The following MLEC variants were observed in gnomAD, a reference collection of about 807,000 sequenced individuals.
MLEC encodes the protein malectin, also known as oligosaccharyltransferase complex subunit (non-catalytic).
In MLEC, 7 loss-of-function variants were observed where a neutral mutation model predicts 28.7. That is an observed-to-expected ratio of 0.24 (90% confidence interval 0.14 to 0.46). The LOEUF is 0.46. MLEC is among the 20% of genes least tolerant of loss of function. MLEC has a pLI of 0.99. For missense variants in MLEC, 237 were observed against 391.1 expected (o/e 0.61, Z 3.32); for synonymous variants, 142 against 164.4 (o/e 0.86, Z 1.04).
chr12:120,694,378 A>T lies in MLEC; in HGVS notation c.414+109A>T, dbSNP rs1400598579. ...GAGTCTCTCCAGAAAGGCAGAACAGATGAGCTCTAGAGAAGCATGTTCCAT... is the reference window on the plus strand; with the variant it reads ...GAGTCTCTCCAGAAAGGCAGAACAGTTGAGCTCTAGAGAAGCATGTTCCAT... On this transcript the variant is annotated intron_variant, in intron 2 of 4. Transcript: ENST00000228506. This position sits in a 1 kb window ranked among gnomAD's most constrained non-coding sequence, Gnocchi z 4.5. 1.7e-6 allele frequency: 2 copies of T among 1,166,456 alleles called. No homozygotes were observed. The highest frequency in any genetic ancestry group is 2.4e-6 in the Non-Finnish European group (2 of 824,212). The allele number at this position is 1,166,456 out of a possible 1,614,324, so 72.3% of individuals were successfully genotyped here.
rs79577656 is a variant in MLEC at position 120,693,007 on chromosome 12, G to A, written c.236-1084G>A. Among the ~76,000 whole-genome samples the A allele has an allele frequency of 6.7e-3, 1,022 of 152,200 alleles. 6 individuals are homozygous for A. The highest frequency in any genetic ancestry group is 0.024 in the South Asian group (117 of 4,812). ...AGGCCGATGCGGGTGGATCACCTGCGGTCAGGAGTTTAGTGTGTTGTGCGA... is the reference window on the plus strand; with the variant it reads ...AGGCCGATGCGGGTGGATCACCTGCAGTCAGGAGTTTAGTGTGTTGTGCGA... On this transcript the variant is annotated intron_variant, in intron 1 of 4. Coordinates refer to ENST00000228506, the MANE Select transcript of MLEC (RefSeq NM_014730.4).
At position 120,687,199 on chromosome 12, in the gene MLEC, C is replaced by T. The variant is rs1881852891; in HGVS notation, c.-98C>T. Reference sequence around the variant, plus strand: ...AGCGACATGTCCCCGGCGGCTCAGGCGGAGCGGCCCGTGGCGCTGTTTTTC... The same window carrying T: ...AGCGACATGTCCCCGGCGGCTCAGGTGGAGCGGCCCGTGGCGCTGTTTTTC... On this transcript the variant is annotated 5_prime_UTR_variant, in exon 1 of 5. Transcript: ENST00000228506. The surrounding 1 kb of genome is among the most constrained non-coding windows in gnomAD (Gnocchi z 8.1). 3.2e-6 allele frequency: 4 copies of T among 1,260,320 alleles called. No individual in the cohort carries two copies. Among genetic ancestry groups the T allele is most frequent in the South Asian group, 5.1e-5 (2 of 39,600 alleles). The allele number at this position is 1,260,320 out of a possible 1,614,324, so 78.1% of individuals were successfully genotyped here.
At position 120,687,488 on chromosome 12, in the gene MLEC, G is replaced by A; in HGVS notation, c.192G>A (p.Gly64=). ...GAGAGGCGCATGTGGACGTGCACGG[G>A]ATCCACTTCCGCAAGGACCCTTTGG... is the stretch of plus-strand genomic sequence containing the variant. ...AGGEAHVDVH[G]IHFRKDPLEG... Residue 64 remains glycine (G), a synonymous_variant, in exon 1 of 5, where the codon GGG becomes GGA. Transcript: ENST00000228506. The surrounding 1 kb of genome is among the most constrained non-coding windows in gnomAD (Gnocchi z 8.1). The A allele has an allele frequency of 1.4e-6, 2 of 1,452,662 alleles. No individual in the cohort carries two copies. The allele number at this position is 1,452,662 out of a possible 1,614,324, so 90.0% of individuals were successfully genotyped here.
rs1211487535 is a variant in MLEC at position 120,699,382 on chromosome 12, A to T, written c.*2837A>T. On this transcript the variant is annotated 3_prime_UTR_variant, in exon 5 of 5. Coordinates refer to ENST00000228506, the MANE Select transcript of MLEC (RefSeq NM_014730.4). ...CACTGAGCCCAGCTGACTGAAAACA[A>T]GGACAGTCAGGGTGAAACTTCTTTT... is the stretch of plus-strand genomic sequence containing the variant. The T allele has an allele frequency of 6.6e-6, 1 of 152,492 alleles. No individual in the cohort carries two copies. Among genetic ancestry groups the T allele is most frequent in the African/African-American group, 2.4e-5 (1 of 41,436 alleles). The allele number at this position is 152,492 out of a possible 1,614,324, so 9.4% of individuals were successfully genotyped here. A position where few individuals can be genotyped will look rare whatever the true frequency, so the allele number is the denominator to read the frequency against.
Position 120,687,609 on chromosome 12 carries a change from A to C in MLEC, c.235+78A>C. ...AGCCGGCCGGGGGCTGCGGGCCCCG[A>C]GCCCCTTTCGACCCTGGGGCCGCGT... is the stretch of plus-strand genomic sequence containing the variant. On this transcript the variant is annotated intron_variant, in intron 1 of 4. Coordinates refer to ENST00000228506, the MANE Select transcript of MLEC (RefSeq NM_014730.4). The surrounding 1 kb of genome is among the most constrained non-coding windows in gnomAD (Gnocchi z 8.1). 1 of 1,201,462 alleles carries C rather than the reference A, an allele frequency of 8.3e-7. No individual in the cohort carries two copies. The highest frequency in any genetic ancestry group is 1.1e-6 in the Non-Finnish European group (1 of 899,052). The allele number at this position is 1,201,462 out of a possible 1,614,324, so 74.4% of individuals were successfully genotyped here.
At chr12:120,689,082 A>G (rs904733964) in intron 1 of MLEC, among the ~76,000 whole-genome samples, 2 of 152,210 alleles carry the variant, frequency 1.3e-5, no homozygotes, top group Admixed American at 6.5e-5. Flanking sequence ...CAGGCCTTAC[A>G]TTGGTTACAT....
chr12:120,689,273 CTTGGGTTA>C (rs1881946603), intron 1 of MLEC, among the ~76,000 whole-genome samples: 1 of 151,684 alleles, frequency 6.6e-6, no homozygotes, highest in African/African-American at 2.4e-5. Flanking sequence ...GATCTGTGTC[CTTGGGTTA>C]TTGGCTCATG....
At chr12:120,690,171 T>A (rs754234593) in intron 1 of MLEC, among the ~76,000 whole-genome samples, 3 of 149,768 alleles carry the variant, frequency 2.0e-5, no homozygotes, top group Non-Finnish European at 3.0e-5. Flanking sequence ...TTATTGAAAA[T>A]TTTTAATTTT....
At chr12:120,695,253 A>C in intron 4 of MLEC, 101 bp downstream of exon 4, 1 of 1,272,860 alleles carries the variant, frequency 7.9e-7, no homozygotes. Flanking sequence ...GGAAACACTT[A>C]AAGCTAAATT....
rs1273950311 is a variant in MLEC, at chr12:120,687,252, C to T, written c.-45C>T. 1 of 1,358,382 alleles carries T rather than the reference C, an allele frequency of 7.4e-7. No homozygotes were observed. The highest frequency in any genetic ancestry group is 9.4e-7 in the Non-Finnish European group (1 of 1,061,496). The allele number at this position is 1,358,382 out of a possible 1,614,324, so 84.1% of individuals were successfully genotyped here. ...AGTCCGGGGTGGCCTGGCAGCCGGC[C>T]GAGGACGAGGGTCGGCGGGGGCTGC... On this transcript the variant is annotated 5_prime_UTR_variant, in exon 1 of 5. Coordinates refer to ENST00000228506, the MANE Select transcript of MLEC (RefSeq NM_014730.4). This position sits in a 1 kb window ranked among gnomAD's most constrained non-coding sequence, Gnocchi z 8.1.
intron 4 of MLEC, among the ~76,000 whole-genome samples, chr12:120,695,555 T>C (rs937884997): frequency 6.6e-6 from 1 of 152,234 alleles, no homozygotes; most frequent in Non-Finnish European, 1.5e-5. Flanking sequence ...TTTGGTATGC[T>C]CTGAAAGATT....
intron 4 of MLEC, among the ~76,000 whole-genome samples, chr12:120,695,853 C>T (rs1206128784): frequency 1.3e-5 from 2 of 152,172 alleles, no homozygotes; most frequent in African/African-American, 4.8e-5. Context: ...TGTCTTACCA[C>T]CAAACAGACC....
chr12:120,699,062 T>C lies in MLEC; in HGVS notation c.*2517T>C, dbSNP rs191512844. On this transcript the variant is annotated 3_prime_UTR_variant, in exon 5 of 5. Coordinates refer to ENST00000228506, the MANE Select transcript of MLEC (RefSeq NM_014730.4). ...GATGCTGAACTTGAAAGTTTTTTTGTTTTTGTTTTTGTTTTGTGGCTCCTC... is the reference window on the plus strand; with the variant it reads ...GATGCTGAACTTGAAAGTTTTTTTGCTTTTGTTTTTGTTTTGTGGCTCCTC... 6.5e-6 allele frequency: 1 copy of C among 152,828 alleles called. No individual in the cohort carries two copies. The highest frequency in any genetic ancestry group is 1.5e-5 in the Non-Finnish European group (1 of 68,094). 9.5% of individuals were successfully genotyped at this position (152,828 alleles called of 1,614,324 possible). A position where few individuals can be genotyped will look rare whatever the true frequency, so the allele number is the denominator to read the frequency against.
intron 4 of MLEC, among the ~76,000 whole-genome samples, chr12:120,695,764 A>G (rs1253955063): frequency 2.0e-5 from 3 of 152,058 alleles, no homozygotes; most frequent in African/African-American, 4.8e-5. Context: ...CCCCAACTCA[A>G]TCTTGAATGC....
chr12:120,690,094 A>G (rs1400840214), intron 1 of MLEC, among the ~76,000 whole-genome samples: 1 of 152,248 alleles, frequency 6.6e-6, no homozygotes, highest in Non-Finnish European at 1.5e-5. Context: ...GCACCACTAC[A>G]GAAAGTGGTT....
intron 1 of MLEC, among the ~76,000 whole-genome samples, chr12:120,692,035 C>T (rs543884341): frequency 7.1e-4 from 108 of 152,250 alleles, no homozygotes; most frequent in Non-Finnish European, 1.5e-3. Context: ...TGATGCGTGC[C>T]TGTAATCCCA....
rs1881865791 is a variant in MLEC at position 120,687,403 on chromosome 12, T to TGGCCGGCGC, written c.111_119dup (p.Ala40_Ala42dup). On this transcript the variant is annotated inframe_insertion, in exon 1 of 5. Transcript: ENST00000228506. This position sits in a 1 kb window ranked among gnomAD's most constrained non-coding sequence, Gnocchi z 8.1. ...GGACCCGGGCTCGGCGTGGCCGGCG[T>TGGCCGGCGC]GGCCGGCGCGGCGGGGGCCGGGCTG... is the stretch of plus-strand genomic sequence containing the variant. 5 of 1,388,554 alleles carry TGGCCGGCGC rather than the reference T, an allele frequency of 3.6e-6. No homozygotes were observed. The highest frequency in any genetic ancestry group is 4.7e-6 in the Non-Finnish European group (5 of 1,073,612). The allele number at this position is 1,388,554 out of a possible 1,614,324, so 86.0% of individuals were successfully genotyped here. A position where few individuals can be genotyped will look rare whatever the true frequency, so the allele number is the denominator to read the frequency against.
At position 120,694,217 on chromosome 12, in the gene MLEC, A is replaced by T; in HGVS notation, c.362A>T (p.Tyr121Phe). 1.2e-6 allele frequency: 2 copies of T among 1,614,196 alleles called. No homozygotes were observed. Among genetic ancestry groups the T allele is most frequent in the Non-Finnish European group, 1.7e-6 (2 of 1,180,036 alleles). The change falls in exon 2 of 5, where the codon TAC becomes TTC. Residue 121 changes from tyrosine to phenylalanine, a missense_variant. Physicochemically the swap from Tyr to Phe is conservative, Grantham distance 22 (BLOSUM62 3). Transcript: ENST00000228506. This position sits in a 1 kb window ranked among gnomAD's most constrained non-coding sequence, Gnocchi z 4.5. Reference sequence around the variant, plus strand: ...GTGCCCATCAAAGAGGAGGGGGACTACGTGCTGGTCTTGAAATTTGCAGAG... The same window carrying T: ...GTGCCCATCAAAGAGGAGGGGGACTTCGTGCTGGTCTTGAAATTTGCAGAG... ...YEVPIKEEGD[Y>F]VLVLKFAEVY...
At chr12:120,688,734 G>C (rs1254736099) in intron 1 of MLEC, among the ~76,000 whole-genome samples, 2 of 152,216 alleles carry the variant, frequency 1.3e-5, no homozygotes, top group Admixed American at 6.5e-5. Context: ...ATATTAAGGA[G>C]TTTATTGCCT....
Sources: gnomAD v4.1 joint callset for allele counts (sites outside exome capture counted in the v4.1 genomes callset) on GRCh38, gnomAD v4.1.1 for gene constraint, Gnocchi (gnomAD v3.1) non-coding constraint, MANE v1.5 for transcripts, NCBI Gene and HGNC (gene_info 2026-07-23, HGNC 2026-07-21) for gene names.